Variants in STOX2 observed in about 807,000 individuals in gnomAD.
STOX2 encodes storkhead-box protein 2.
Under a neutral mutation model 60.9 loss-of-function variants are expected in STOX2, and 28 were observed. The observed-to-expected ratio is 0.46, with a 90% CI of 0.34 to 0.63. The LOEUF (loss-of-function observed/expected upper bound fraction) is 0.63. Among genes scored for constraint, STOX2 ranks in the 30% least tolerant of loss-of-function variants. The pLI, the probability that STOX2 is intolerant of heterozygous loss-of-function variation, is 0.01. For missense variants in STOX2, 1,024 were observed against 1,187.7 expected, an observed-to-expected ratio of 0.86 and a Z score of 2.03; for synonymous variants, 472 against 463.9, an observed-to-expected ratio of 1.02 and a Z score of -0.22.
At chr4:183,837,467 T>G (rs1177664681) in intron 1 of STOX2, among the ~76,000 whole-genome samples, 1 of 152,064 alleles carries the variant, frequency 6.6e-6, no homozygotes, top group African/African-American at 2.4e-5. Flanking sequence ...GTGCTTTTTT[T>G]TTTTTCTTTG....
At chr4:183,887,124 C>T (rs918874093) in intron 1 of STOX2, among the ~76,000 whole-genome samples, 2 of 152,034 alleles carry the variant, frequency 1.3e-5, no homozygotes, top group African/African-American at 2.4e-5. Flanking sequence ...ATTAGTCTGG[C>T]GTAGTGGTGC....
At chr4:183,903,782 G>A (rs568986847), upstream of STOX2, among the ~76,000 whole-genome samples, 36 of 152,230 alleles carry the variant, frequency 2.4e-4, no homozygotes, top group South Asian at 5.6e-3. Flanking sequence ...TTACACCAGC[G>A]GCCCCCAACC....
At chr4:183,808,756 A>G (rs1216528309) in intron 1 of STOX2, among the ~76,000 whole-genome samples, 1 of 152,208 alleles carries the variant, frequency 6.6e-6, no homozygotes, top group African/African-American at 2.4e-5. Flanking sequence ...ATTCTAGAAG[A>G]CAGTCTTTAT....
At chr4:183,992,804 G>T (rs569022103) in intron 1 of STOX2, among the ~76,000 whole-genome samples, 2 of 152,306 alleles carry the variant, frequency 1.3e-5, no homozygotes, top group South Asian at 4.1e-4. Context: ...GTTTATGTAC[G>T]TAGGACCTTT....
intron 1 of STOX2, among the ~76,000 whole-genome samples, chr4:183,969,546 G>A (rs1240277694): frequency 6.6e-6 from 1 of 152,090 alleles, no homozygotes; most frequent in East Asian, 1.9e-4. Context: ...GAGATTATAG[G>A]TGTGAGCTAC....
At chr4:183,827,137 G>T (rs866472777) in intron 1 of STOX2, among the ~76,000 whole-genome samples, 1 of 152,062 alleles carries the variant, frequency 6.6e-6, no homozygotes, top group African/African-American at 2.4e-5. Flanking sequence ...TGCAACCACC[G>T]TATTTTTATA....
intron 1 of STOX2, among the ~76,000 whole-genome samples, chr4:183,953,575 A>ATTTTTTTT (rs71951843): frequency 6.9e-6 from 1 of 144,088 alleles, no homozygotes; most frequent in African/African-American, 2.7e-5. Flanking sequence ...ATTATCCCTG[A>ATTTTTTTT]TTTTTTTTGA....
chr4:183,825,784 G>A lies in STOX2; in HGVS notation c.364+27729G>A, dbSNP rs1294454998. 1.3e-5 allele frequency among the ~76,000 whole-genome samples: 2 copies of A among 152,138 alleles called. No individual in the cohort carries two copies. Among genetic ancestry groups the A allele is most frequent in the East Asian group, 1.9e-4 (1 of 5,186 alleles). On this transcript the variant is annotated intron_variant, in intron 1 of 2. Coordinates refer to the STOX2 transcript ENST00000513034. The surrounding 1 kb of genome is among the most constrained non-coding windows in gnomAD (Gnocchi z 4.1). ...GGGAGGGGTTCAGATTTAATGCTTC[G>A]AGCAGTGGAAAGCTGCTCTGGGCTC...
rs5864864 is a variant in STOX2 at position 184,017,688 on chromosome 4, C to CA, written c.*417dup. The CA allele has an allele frequency of 0.5, 51,128 of 102,970 alleles. 11,874 individuals are homozygous for CA. The highest frequency in any genetic ancestry group is 0.66 in the African/African-American group (20,214 of 30,626). The allele number at this position is 102,970 out of a possible 1,614,324, so 6.4% of individuals were successfully genotyped here. On this transcript the variant is annotated 3_prime_UTR_variant, in exon 4 of 4. Coordinates refer to ENST00000308497, the MANE Select transcript of STOX2 (RefSeq NM_020225.3). ...CCACAGAACTGATCCTTGACACTTC[C>CA]AAAAAAAAAAAAACAAAACAAAACA...
chr4:183,875,008 G>T (rs1477015459), intron 1 of STOX2, among the ~76,000 whole-genome samples: 2 of 103,426 alleles, frequency 1.9e-5, no homozygotes, highest in Non-Finnish European at 3.6e-5. Context: ...TTAGAATTTT[G>T]CAGTGTGAAT....
At chr4:183,921,263 A>G (rs1579418680) in intron 1 of STOX2, among the ~76,000 whole-genome samples, 1 of 152,246 alleles carries the variant, frequency 6.6e-6, no homozygotes, top group Non-Finnish European at 1.5e-5. Flanking sequence ...TGCATGGTGT[A>G]AGATAAAATC....
chr4:183,853,450 C>T (rs775172743), intron 1 of STOX2: 28 of 152,042 alleles, frequency 1.8e-4, no homozygotes, highest in Non-Finnish European at 2.9e-5. Flanking sequence ...AGGGAAGGGA[C>T]GAAATGTCTG....
At chr4:183,938,865 C>T (rs1742669327) in intron 1 of STOX2, among the ~76,000 whole-genome samples, 1 of 152,018 alleles carries the variant, frequency 6.6e-6, no homozygotes, top group African/African-American at 2.4e-5. Flanking sequence ...GCATCCGTTG[C>T]TACATTTCAT....
intron 1 of STOX2, among the ~76,000 whole-genome samples, chr4:183,909,440 A>G (rs1008663329): frequency 1.3e-5 from 2 of 152,194 alleles, no homozygotes; most frequent in South Asian, 2.1e-4. Context: ...ATTTGGTTTA[A>G]TTACTACTGG....
chr4:183,898,886 C>A (rs1380890884), intron 1 of STOX2, among the ~76,000 whole-genome samples: 1 of 152,190 alleles, frequency 6.6e-6, no homozygotes, highest in Non-Finnish European at 1.5e-5. Flanking sequence ...TGTTTCACTG[C>A]TCTTTGCTTT....
chr4:183,848,713 G>C (rs1051856355), intron 1 of STOX2, among the ~76,000 whole-genome samples: 2 of 152,190 alleles, frequency 1.3e-5, no homozygotes, highest in African/African-American at 4.8e-5. Context: ...GTCAAACTTG[G>C]AGCAAGCTGT....
intron 1 of STOX2, among the ~76,000 whole-genome samples, chr4:183,888,657 T>C (rs1741138520): frequency 6.6e-6 from 1 of 152,230 alleles, no homozygotes; most frequent in African/African-American, 2.4e-5. Flanking sequence ...TTACTTCTTA[T>C]TCTGACTTGC....
At chr4:183,992,815 T>G (rs1207827226) in intron 1 of STOX2, among the ~76,000 whole-genome samples, 1 of 152,232 alleles carries the variant, frequency 6.6e-6, no homozygotes, top group East Asian at 1.9e-4. Context: ...TAGGACCTTT[T>G]GATTCTACAA....
intron 1 of STOX2, among the ~76,000 whole-genome samples, chr4:183,953,937 C>T (rs1411360359): frequency 6.6e-6 from 1 of 152,002 alleles, no homozygotes; most frequent in Non-Finnish European, 1.5e-5. Context: ...GTGAGGGAGC[C>T]GGAAAGTGGT....
Sources: gnomAD v4.1 joint callset for allele counts (sites outside exome capture counted in the v4.1 genomes callset) on GRCh38, gnomAD v4.1.1 for gene constraint, Gnocchi (gnomAD v3.1) non-coding constraint, MANE v1.5 for transcripts, NCBI Gene and HGNC (gene_info 2026-07-23, HGNC 2026-07-21) for gene names.